RSL1D1: variants seen among roughly 807,000 people sequenced by gnomAD.
RSL1D1 encodes the protein ribosomal L1 domain containing 1.
Under a neutral mutation model 44.6 loss-of-function variants are expected in RSL1D1, and 34 were observed. The ratio of observed to expected loss-of-function variants is 0.76; its 90% CI spans 0.58 to 1.02. The LOEUF (loss-of-function observed/expected upper bound fraction) is 1.02. Ranked by LOEUF, RSL1D1 falls within the 50% of genes least tolerant of loss-of-function variation. RSL1D1 has a pLI of 0.00. For missense variants in RSL1D1, 767 were observed against 568.1 expected (o/e 1.35, Z -3.56); for synonymous variants, 271 against 207.4 (o/e 1.31, Z -2.63).
In RSL1D1 at chr16:11,836,498, T is replaced by C. The variant is rs989305689; in HGVS notation, c.*1289A>G. On this transcript the variant is annotated 3_prime_UTR_variant, in exon 9 of 9. Coordinates refer to ENST00000571133, the MANE Select transcript of RSL1D1 (RefSeq NM_015659.3). ...AAGGCCACGTACCTAAAAAGGTGTTTACTGCCTCAGAATATACTTGACAAT... is the reference window on the plus strand; with the variant it reads ...AAGGCCACGTACCTAAAAAGGTGTTCACTGCCTCAGAATATACTTGACAAT... The C allele has an allele frequency of 2.0e-5, 3 of 152,238 alleles. No individual in the cohort carries two copies. The highest frequency in any genetic ancestry group is 4.8e-5 in the African/African-American group (2 of 41,478). The allele number at this position is 152,238 out of a possible 1,614,324, so 9.4% of individuals were successfully genotyped here. A position where few individuals can be genotyped will look rare whatever the true frequency, so the allele number is the denominator to read the frequency against.
Position 11,834,820 on chromosome 16 carries a change from A to G in RSL1D1, c.*2967T>C, listed in dbSNP as rs2053705533. On this transcript the variant is annotated 3_prime_UTR_variant, in exon 9 of 9. Coordinates refer to ENST00000571133, the MANE Select transcript of RSL1D1 (RefSeq NM_015659.3). ...TTAACATTACAATTTGTGTTACTAA[A>G]ATGCAAAAACAGGATTGGCATGCTG... 6.6e-6 allele frequency: 1 copy of G among 152,222 alleles called. No homozygotes were observed. Among genetic ancestry groups the G allele is most frequent in the African/African-American group, 2.4e-5 (1 of 41,446 alleles). The allele number at this position is 152,222 out of a possible 1,614,324, so 9.4% of individuals were successfully genotyped here.
At chr16:11,847,973 C>A (rs1356254736) in intron 2 of RSL1D1, among the ~76,000 whole-genome samples, 167 bp from the exon 3 acceptor site, 3 of 152,124 alleles carry the variant, frequency 2.0e-5, no homozygotes, top group Non-Finnish European at 4.4e-5. Flanking sequence ...ATTTCATGGC[C>A]GGTAGTAGTG....
intron 3 of RSL1D1, 37 bp from the exon 4 acceptor site, chr16:11,846,880 G>C: frequency 6.5e-7 from 1 of 1,536,868 alleles, no homozygotes; most frequent in Non-Finnish European, 8.9e-7. Flanking sequence ...CAAGAAGTTA[G>C]GAATCTAAAC....
At chr16:11,851,285 C>G (rs1333249604) in intron 1 of RSL1D1, 123 bp downstream of exon 1, 3 of 911,950 alleles carry the variant, frequency 3.3e-6, no homozygotes, top group Non-Finnish European at 5.4e-6. Flanking sequence ...GCACACGGCC[C>G]GCCAGCGACC....
At position 11,841,916 on chromosome 16, in the gene RSL1D1, T is replaced by C; in HGVS notation, c.720A>G (p.Lys240=). ...ACCTGTAATACTGTACCTCTGGCAA[T>C]TTTTCTGAAAGTCCTTTGGTGACAG... ...IVAVTKGLSE[K]LPEKWESVKL... The change falls in exon 6 of 9, where the codon AAA becomes AAG. Residue 240 remains lysine (K), a synonymous_variant. Coordinates refer to ENST00000571133, the MANE Select transcript of RSL1D1 (RefSeq NM_015659.3). The C allele has an allele frequency of 6.2e-7, 1 of 1,613,344 alleles. No individual in the cohort carries two copies. Among genetic ancestry groups the C allele is most frequent in the Non-Finnish European group, 8.5e-7 (1 of 1,179,798 alleles).
chr16:11,842,269 T>TA (rs1009027217), intron 5 of RSL1D1, among the ~76,000 whole-genome samples: 1 of 150,652 alleles, frequency 6.6e-6, no homozygotes, highest in Non-Finnish European at 1.5e-5. Context: ...CAAGGCTACA[T>TA]ACAGTGAGCC....
At chr16:11,843,724 A>G (rs972864133) in intron 5 of RSL1D1, among the ~76,000 whole-genome samples, 10 of 151,810 alleles carry the variant, frequency 6.6e-5, no homozygotes. Flanking sequence ...CAAAAAAATT[A>G]GCTGGGCATT....
chr16:11,851,505 T>C lies in RSL1D1; in HGVS notation c.8A>G (p.Asp3Gly). 6.8e-6 allele frequency: 11 copies of C among 1,613,480 alleles called. No homozygotes were observed. Among genetic ancestry groups the C allele is most frequent in the Non-Finnish European group, 9.3e-6 (11 of 1,179,856 alleles). The change falls in exon 1 of 9, where the codon GAT becomes GGT. Residue 3 changes from aspartate to glycine, a missense_variant. Asp to Gly is a moderately conservative substitution (Grantham distance 94). Transcript: ENST00000571133. Reference protein sequence around the residue: MEDSASASLSSAA... With the variant: MEGSASASLSSAA... ...AGAAGACAGCGAGGCCGAGGCCGAA[T>C]CCTCCATCTTGTTTCCACCTCGTGA...
At chr16:11,851,118 T>G (rs2053834255) in intron 1 of RSL1D1, 1 of 475,692 alleles carries the variant, frequency 2.1e-6, no homozygotes, top group Non-Finnish European at 3.9e-6. Flanking sequence ...AACTAAGCGA[T>G]TCGGTCAAGC....
intron 8 of RSL1D1, among the ~76,000 whole-genome samples, chr16:11,838,806 G>A (rs146163629): frequency 1.4e-5 from 2 of 146,210 alleles, no homozygotes; most frequent in East Asian, 2.0e-4. Flanking sequence ...GCTGTGAGCC[G>A]AGATCATGCC....
chr16:11,847,494 C>T, intron 3 of RSL1D1, 174 bp downstream of exon 3: 2 of 579,700 alleles, frequency 3.5e-6, no homozygotes, highest in Non-Finnish European at 6.0e-6. Flanking sequence ...ACACGAGCCA[C>T]CTCTTTTATA....
intron 1 of RSL1D1, 113 bp downstream of exon 1, chr16:11,851,295 C>A (rs2053835699): frequency 4.0e-6 from 4 of 999,058 alleles, no homozygotes; most frequent in Non-Finnish European, 6.4e-6. Flanking sequence ...CGCCAGCGAC[C>A]GTCCCACAGC....
At position 11,839,966 on chromosome 16, in the gene RSL1D1, C is replaced by T; in HGVS notation, c.875G>A (p.Arg292Lys). 6.2e-7 allele frequency: 1 copy of T among 1,612,378 alleles called. No homozygotes were observed. Among genetic ancestry groups the T allele is most frequent in the Non-Finnish European group, 8.5e-7 (1 of 1,179,426 alleles). Residue 292 changes from arginine to lysine, a missense_variant, in exon 8 of 9, where the codon AGA becomes AAA. Physicochemically the swap from Arg to Lys is conservative, Grantham distance 26. Transcript: ENST00000571133. ...KKKKEARRKRRERNFEKQKER... is the reference protein window; with the variant it reads ...KKKKEARRKRKERNFEKQKER... ...CTTTTGTTTTTCAAAATTTCTTTCT[C>T]TTCGTTTTCTCCTTGCCTCCTACCA...
rs2053712844 is a variant in RSL1D1, at chr16:11,835,863, T to C, written c.*1924A>G. 1 of 152,110 alleles carries C rather than the reference T, an allele frequency of 6.6e-6. No individual in the cohort carries two copies. The highest frequency in any genetic ancestry group is 2.1e-4 in the South Asian group (1 of 4,828). 9.4% of individuals were successfully genotyped at this position (152,110 alleles called of 1,614,324 possible). ...AGGGTCAAGGGTCTAAAACCCCTTG[T>C]GGTCTTTGGAACACCAAGCTCTGTG... On this transcript the variant is annotated 3_prime_UTR_variant, in exon 9 of 9. Transcript: ENST00000571133.
intron 5 of RSL1D1, among the ~76,000 whole-genome samples, chr16:11,842,600 C>T (rs1047100211): frequency 6.6e-6 from 1 of 152,088 alleles, no homozygotes; most frequent in Non-Finnish European, 1.5e-5. Context: ...TATGGAACTC[C>T]TGGGCTCAAG....
rs776099044 is a variant in RSL1D1 at position 11,847,705 on chromosome 16, T to C, written c.347A>G (p.Lys116Arg). Reference sequence around the variant, plus strand: ...TTTAATTCCATGCTTGTTTAAAAGCTTTCTATAAAACTGTTCTGTCTTTTC... The same window carrying C: ...TTTAATTCCATGCTTGTTTAAAAGCCTTCTATAAAACTGTTCTGTCTTTTC... Reference protein sequence around the residue: ...TPEKTEQFYRKLLNKHGIKTV... With the variant: ...TPEKTEQFYRRLLNKHGIKTV... Residue 116 changes from lysine (K) to arginine (R), a missense_variant, in exon 3 of 9, where the codon AAG (lysine) becomes AGG (arginine). Coordinates refer to ENST00000571133, the MANE Select transcript of RSL1D1 (RefSeq NM_015659.3). 2.5e-6 allele frequency: 4 copies of C among 1,612,734 alleles called. No individual in the cohort carries two copies. In the East Asian group the frequency reaches 8.9e-5, roughly 36 times the overall value.
At position 11,848,975 on chromosome 16, in the gene RSL1D1, G is replaced by A. The variant is rs79955225; in HGVS notation, c.246-1169C>T. On this transcript the variant is annotated intron_variant, in intron 2 of 8. Coordinates refer to ENST00000571133, the MANE Select transcript of RSL1D1 (RefSeq NM_015659.3). ...GTATTTTTAGGAGACATGGGATTTCGCCATGTTGGGTCAGGATGATCTCAA... is the reference window on the plus strand; with the variant it reads ...GTATTTTTAGGAGACATGGGATTTCACCATGTTGGGTCAGGATGATCTCAA... Among the ~76,000 whole-genome samples the A allele has an allele frequency of 1.2e-3, 176 of 151,906 alleles. 6 individuals carry two copies. The East Asian group carries it at 0.029, about 25-fold the overall frequency.
chr16:11,847,531 G>A, intron 3 of RSL1D1, 137 bp downstream of exon 3: 1 of 737,476 alleles, frequency 1.4e-6, no homozygotes, highest in African/African-American at 1.8e-5. Flanking sequence ...AGCTACTGAT[G>A]TACACGCCAC....
chr16:11,840,940 G>C lies in RSL1D1; in HGVS notation c.855+755C>G, dbSNP rs576953033. On this transcript the variant is annotated intron_variant, in intron 7 of 8. Transcript: ENST00000571133. ...TCCAGCCACCTACAACCGTGGATGG[G>C]AATAACTGGGTAAATAATTATGTCA... 9.2e-5 allele frequency among the ~76,000 whole-genome samples: 14 copies of C among 152,296 alleles called. No individual in the cohort carries two copies. The East Asian group carries it at 2.5e-3, about 27-fold the overall frequency.
Sources: gnomAD v4.1 joint callset for allele counts (sites outside exome capture counted in the v4.1 genomes callset) on GRCh38, gnomAD v4.1.1 for gene constraint, MANE v1.5 for transcripts, NCBI Gene and HGNC (gene_info 2026-07-23, HGNC 2026-07-21) for gene names.